Variants in LARP1 observed in about 807,000 individuals in gnomAD.
The protein encoded by LARP1 is la-related protein 1.
In LARP1, 36 loss-of-function variants were observed where a neutral mutation model predicts 122.7. The ratio of observed to expected loss-of-function variants is 0.29; its 90% CI spans 0.22 to 0.39. The LOEUF is 0.39. LARP1 is among the 10% of genes least tolerant of loss of function. The probability of loss-of-function intolerance (pLI) is 1.00; values close to 1 mark genes in which losing one functional copy is unlikely to be tolerated. For synonymous variants in LARP1, 539 were observed against 528.7 expected, an observed-to-expected ratio of 1.02 and a Z score of -0.27; for missense variants, 1,040 against 1,403.6, an observed-to-expected ratio of 0.74 and a Z score of 4.14.
chr5:154,708,244 G>A (rs536129529), upstream of LARP1, among the ~76,000 whole-genome samples: 2 of 152,188 alleles, frequency 1.3e-5, no homozygotes, highest in African/African-American at 4.8e-5. Context: ...CTCACTCGTC[G>A]CCCCCATAAT....
chr5:154,790,754 A>G (rs773275065), intron 3 of LARP1, 44 bp downstream of exon 3: 22 of 1,540,246 alleles, frequency 1.4e-5, no homozygotes, highest in African/African-American at 1.4e-5. Flanking sequence ...GTCTCTTGAC[A>G]TACACACATT....
intron 1 of LARP1, among the ~76,000 whole-genome samples, chr5:154,697,627 GA>G (rs1754525490): frequency 6.6e-6 from 1 of 152,128 alleles, no homozygotes; most frequent in African/African-American, 2.4e-5. Context: ...GATGAACCTT[GA>G]AAACATTATG....
At chr5:154,770,893 A>G (rs995316067) in intron 1 of LARP1, among the ~76,000 whole-genome samples, 2 of 152,088 alleles carry the variant, frequency 1.3e-5, no homozygotes, top group African/African-American at 4.8e-5. Flanking sequence ...CAGGTGGATC[A>G]CCTGAGGTGA....
At chr5:154,762,697 A>G (rs920441354) in intron 1 of LARP1, among the ~76,000 whole-genome samples, 1 of 152,192 alleles carries the variant, frequency 6.6e-6, no homozygotes, top group African/African-American at 2.4e-5. Context: ...AACCTAGATG[A>G]TTCCTCCATG....
At chr5:154,755,374 T>C (rs1200230171), upstream of LARP1, among the ~76,000 whole-genome samples, 1 of 149,706 alleles carries the variant, frequency 6.7e-6, no homozygotes, top group Admixed American at 6.6e-5. Flanking sequence ...CTCTCCCCCG[T>C]CCGTCCATAT....
intron 15 of LARP1, 70 bp from the exon 16 acceptor site, chr5:154,808,389 G>T: frequency 6.4e-7 from 1 of 1,553,324 alleles, no homozygotes; most frequent in Non-Finnish European, 8.7e-7. Flanking sequence ...TTAAGTTCCA[G>T]GATCCTTTCT....
Position 154,814,207 on chromosome 5 carries a change from C to G in LARP1, c.*111C>G. ...CAATGAAGGGACAGGCCTGGAGTTACTAGGACAGGCCTTTGTGCTGAGTAG... is the reference window on the plus strand; with the variant it reads ...CAATGAAGGGACAGGCCTGGAGTTAGTAGGACAGGCCTTTGTGCTGAGTAG... On this transcript the variant is annotated 3_prime_UTR_variant, in exon 19 of 19. Transcript: ENST00000518297. The G allele has an allele frequency of 1.8e-6, 2 of 1,094,804 alleles. No individual in the cohort carries two copies. The highest frequency in any genetic ancestry group is 4.2e-5 in the Admixed American group (2 of 47,314). 67.8% of individuals were successfully genotyped at this position (1,094,804 alleles called of 1,614,324 possible). A position where few individuals can be genotyped will look rare whatever the true frequency, so the allele number is the denominator to read the frequency against.
At chr5:154,786,602 A>G (rs1409545953) in intron 1 of LARP1, 2 of 407,670 alleles carry the variant, frequency 4.9e-6, no homozygotes, top group Admixed American at 2.9e-5. Flanking sequence ...GGGCCCAGTC[A>G]TCAGTAACTG....
chr5:154,780,308 G>C (rs747658313), intron 1 of LARP1, among the ~76,000 whole-genome samples: 5 of 152,196 alleles, frequency 3.3e-5, no homozygotes, highest in African/African-American at 7.2e-5. Context: ...TGGAAATGGG[G>C]CCCCTCTCAG....
Position 154,817,304 on chromosome 5 carries a change from A to T in LARP1, c.*3208A>T, listed in dbSNP as rs1759740671. 6.6e-6 allele frequency: 1 copy of T among 152,558 alleles called. No homozygotes were observed. Among genetic ancestry groups the T allele is most frequent in the African/African-American group, 2.4e-5 (1 of 41,426 alleles). The allele number at this position is 152,558 out of a possible 1,614,324, so 9.5% of individuals were successfully genotyped here. A position where few individuals can be genotyped will look rare whatever the true frequency, so the allele number is the denominator to read the frequency against. On this transcript the variant is annotated 3_prime_UTR_variant, in exon 19 of 19. Coordinates refer to ENST00000518297, the MANE Select transcript of LARP1 (RefSeq NM_033551.3). ...GATGGCAGAGAAGATAAGAACTTGG[A>T]GCCCATTTCTCACTGGAGAGGAAAA...
chr5:154,739,425 G>C (rs897367325), intron 1 of LARP1, among the ~76,000 whole-genome samples: 7 of 152,224 alleles, frequency 4.6e-5, no homozygotes, highest in African/African-American at 1.7e-4. Flanking sequence ...TGTGGAAGCT[G>C]ACTTGCCTTG....
At chr5:154,721,455 C>T (rs187935973) in intron 1 of LARP1, among the ~76,000 whole-genome samples, 87 of 152,038 alleles carry the variant, frequency 5.7e-4, no homozygotes, top group Non-Finnish European at 9.0e-4. Context: ...AAAGGAAAGC[C>T]GAGGCTGAAA....
Position 154,803,464 on chromosome 5 carries a change from C to T in LARP1, c.2233+51C>T. On this transcript the variant is annotated intron_variant, in intron 12 of 18. Transcript: ENST00000518297. This position sits in a 1 kb window ranked among gnomAD's most constrained non-coding sequence, Gnocchi z 4.4. ...GACATGGGTGAGAGGATCTAGGGCC[C>T]TTGGACTGGGGGCTATCCTGGGGTG... 1 of 1,614,046 alleles carries T rather than the reference C, an allele frequency of 6.2e-7. No individual in the cohort carries two copies.
At chr5:154,778,261 A>AAAAAAG (rs1756095892) in intron 1 of LARP1, among the ~76,000 whole-genome samples, 1 of 150,254 alleles carries the variant, frequency 6.7e-6, no homozygotes, top group African/African-American at 2.4e-5. Context: ...CTCCGTCTAA[A>AAAAAAG]AAAAAAAAAA....
chr5:154,799,942 A>G lies in LARP1; in HGVS notation c.1616A>G (p.Lys539Arg), dbSNP rs1250228190. 4 of 1,614,066 alleles carry G rather than the reference A, an allele frequency of 2.5e-6. No individual in the cohort carries two copies. The African/African-American group carries it at 4.0e-5, about 16-fold the overall frequency. Residue 539 changes from lysine to arginine, a missense_variant, in exon 10 of 19, where the codon AAG becomes AGG. Lys to Arg is a conservative substitution (Grantham distance 26). Around this residue, in one of 8 missense-constraint regions of LARP1, gnomAD observed 362 missense variants for 533.1 expected, o/e 0.68. Transcript: ENST00000518297. ...AAAACAGAGGAGGTCAGCAACCTAA[A>G]GACACTACCCAAGGGCCTGTCTGCC... Reference protein sequence around the residue: ...PTKTEEVSNLKTLPKGLSASL... With the variant: ...PTKTEEVSNLRTLPKGLSASL...
intron 1 of LARP1, among the ~76,000 whole-genome samples, chr5:154,689,709 T>C (rs6580102): frequency 0.76 from 115,373 of 152,064 alleles, 44,268 homozygotes; most frequent in African/African-American, 0.88. Context: ...AGAGATCTAA[T>C]TCTGTTCATC....
chr5:154,760,530 T>C (rs1754365782), intron 1 of LARP1, among the ~76,000 whole-genome samples: 1 of 152,186 alleles, frequency 6.6e-6, no homozygotes, highest in Non-Finnish European at 1.5e-5. Flanking sequence ...CCTAAGTCGA[T>C]GGCTTGGGGG....
rs781607837 is a variant in LARP1 at position 154,694,223 on chromosome 5, TA to T, written c.-180+11193del. ...TTGATTATATCTTGATTTATTACTA[TA>T]AAAAAATAAGGACCACGTTTTTATT... On this transcript the variant is annotated intron_variant, in intron 1 of 18. Transcript: ENST00000687700. 3.9e-5 allele frequency among the ~76,000 whole-genome samples: 6 copies of T among 152,250 alleles called. No individual in the cohort carries two copies. The East Asian group carries it at 5.8e-4, about 15-fold the overall frequency.
At chr5:154,781,076 A>T (rs77998280) in intron 1 of LARP1, among the ~76,000 whole-genome samples, 2,069 of 152,198 alleles carry the variant, frequency 0.014, 46 homozygotes, top group African/African-American at 0.048. Flanking sequence ...CTCAAAAAAT[A>T]AAAAAATGAG....
Sources: allele counts gnomAD v4.1 joint callset (sites outside exome capture counted in the v4.1 genomes callset), GRCh38; gene constraint gnomAD v4.1.1; regional missense constraint gnomAD v4.1.1; non-coding constraint Gnocchi (gnomAD v3.1); transcripts MANE v1.5; gene names NCBI Gene and HGNC (gene_info 2026-07-23, HGNC 2026-07-21).